CEMIP2: variants seen among roughly 807,000 people sequenced by gnomAD.
The protein encoded by CEMIP2 is cell migration inducing hyaluronidase 2.
CEMIP2 carries 79 observed loss-of-function variants against 146.9 expected under a neutral mutation model. The observed-to-expected ratio is 0.54, with a 90% CI of 0.45 to 0.65. The LOEUF is 0.65. Ranked by LOEUF, CEMIP2 falls within the 30% of genes least tolerant of loss-of-function variation. The pLI is 0.00. For synonymous variants in CEMIP2, 601 were observed against 606.3 expected (o/e 0.99, Z 0.13); for missense variants, 1,596 against 1,696.2 (o/e 0.94, Z 1.04).
At position 71,734,845 on chromosome 9, in the gene CEMIP2, GAA is replaced by G. The variant is rs1564016701; in HGVS notation, c.1352_1353del (p.Leu451ProfsTer4). ...TGAAAATGGCTGCATTCAGAACAGG[GAA>G]GAAGAGTGAACTCCTCTGCTTGGTA... The part of the protein sequence containing the change: ...SMYQAEEFTL[L>X]PCSECSHFQV... On this transcript the variant is annotated frameshift_variant, in exon 6 of 24. Coordinates refer to ENST00000377044, the MANE Select transcript of CEMIP2 (RefSeq NM_013390.3). LOFTEE classifies it high-confidence loss of function. 1 of 1,613,758 alleles carries G rather than the reference GAA, an allele frequency of 6.2e-7. No individual in the cohort carries two copies. Among genetic ancestry groups the G allele is most frequent in the East Asian group, 2.2e-5 (1 of 44,874 alleles).
Position 71,730,568 on chromosome 9 carries a change from G to A in CEMIP2, c.1773+137C>T, listed in dbSNP as rs572783558. The A allele has an allele frequency of 2.4e-4, 216 of 886,514 alleles. 1 individual carries two copies. The highest frequency in any genetic ancestry group is 1.9e-3 in the African/African-American group (114 of 59,190). 54.9% of individuals were successfully genotyped at this position (886,514 alleles called of 1,614,324 possible). On this transcript the variant is annotated intron_variant, in intron 8 of 23. Transcript: ENST00000377044. ...TAGGCTTCCTTCAGACAGAAAAATC[G>A]TGGAATGCTCAGAAAAGGCAGGATA...
intron 1 of CEMIP2, among the ~76,000 whole-genome samples, chr9:71,750,641 T>A (rs996150520): frequency 1.8e-4 from 27 of 151,812 alleles, no homozygotes; most frequent in Non-Finnish European, 3.5e-4. Flanking sequence ...GAGACAATGT[T>A]TCTCCATGTA....
At chr9:71,764,715 T>G (rs1341075181) in intron 1 of CEMIP2, among the ~76,000 whole-genome samples, 2 of 152,196 alleles carry the variant, frequency 1.3e-5, no homozygotes, top group African/African-American at 4.8e-5. Flanking sequence ...AAAGGCAATT[T>G]ATTAAAATGT....
At chr9:71,709,211 T>C (rs749569170) in intron 17 of CEMIP2, 48 bp downstream of exon 17, 3 of 1,569,118 alleles carry the variant, frequency 1.9e-6, no homozygotes, top group Non-Finnish European at 2.6e-6. Flanking sequence ...GAAGCAGTGC[T>C]GGCAGGAGCT....
At chr9:71,723,136 G>GAAAAAAA (rs33948828) in intron 11 of CEMIP2, among the ~76,000 whole-genome samples, 16 of 104,114 alleles carry the variant, frequency 1.5e-4, no homozygotes, top group Admixed American at 2.3e-4. Context: ...AACAGCCAAA[G>GAAAAAAA]AAAAAAAAAA....
chr9:71,722,621 A>G (rs943956395), intron 11 of CEMIP2, 106 bp from the exon 12 acceptor site: 1 of 866,022 alleles, frequency 1.2e-6, no homozygotes, highest in Non-Finnish European at 1.7e-6. Context: ...CTACCAAAAA[A>G]AGTGGGGCAG....
Position 71,749,964 on chromosome 9 carries a change from A to G in CEMIP2, c.331+79T>C, listed in dbSNP as rs1325249351. ...AGTTAGCTAGGGCCAACTTAAGATA[A>G]ATTTTTTTTTAAGTATTCTACTATT... On this transcript the variant is annotated intron_variant, in intron 2 of 23. Transcript: ENST00000377044. 2.2e-6 allele frequency: 3 copies of G among 1,336,042 alleles called. No individual in the cohort carries two copies. In the Admixed American group the frequency reaches 8.3e-5, roughly 37 times the overall value. The allele number at this position is 1,336,042 out of a possible 1,614,324, so 82.8% of individuals were successfully genotyped here.
At chr9:71,746,973 T>TA (rs1312660994) in intron 2 of CEMIP2, among the ~76,000 whole-genome samples, 1 of 152,212 alleles carries the variant, frequency 6.6e-6, no homozygotes, top group East Asian at 1.9e-4. Context: ...AAAGATTACT[T>TA]AGCAAGCTGA....
At chr9:71,728,298 T>C (rs1206214716) in intron 10 of CEMIP2, among the ~76,000 whole-genome samples, 10 of 42,396 alleles carry the variant, frequency 2.4e-4, no homozygotes, top group Non-Finnish European at 3.2e-4. Context: ...TATATATATA[T>C]ATACATATAT....
At chr9:71,686,828 G>A (rs1822075784) in intron 22 of CEMIP2, 1 of 152,016 alleles carries the variant, frequency 6.6e-6, no homozygotes, top group South Asian at 2.1e-4. Context: ...CTTCTCCATT[G>A]TCTATCAGGG....
chr9:71,700,709 C>G lies in CEMIP2; in HGVS notation c.3310G>C (p.Val1104Leu). ...SLSKIEEYEP[V>L]HSLEELQRKQ... The stretch of plus-strand genomic sequence containing the variant: ...CTTTGCAGTTCTTCCAGTGAATGCA[C>G]AGGCTCATATTCTTCGATTTTGGAT... Residue 1104 changes from valine to leucine, a missense_variant, in exon 19 of 24, where the codon GTG becomes CTG. Val to Leu is a conservative substitution (Grantham distance 32). Transcript: ENST00000377044. 1 of 1,613,102 alleles carries G rather than the reference C, an allele frequency of 6.2e-7. No homozygotes were observed. The highest frequency in any genetic ancestry group is 1.1e-5 in the South Asian group (1 of 90,892).
At chr9:71,725,463 G>A (rs773305140) in intron 11 of CEMIP2, 118 bp downstream of exon 11, 10 of 1,129,298 alleles carry the variant, frequency 8.9e-6, no homozygotes, top group African/African-American at 1.6e-5. Flanking sequence ...CTCATTATAA[G>A]TTAACTAGTC....
At chr9:71,749,734 A>G (rs1824190535) in intron 2 of CEMIP2, among the ~76,000 whole-genome samples, 1 of 152,046 alleles carries the variant, frequency 6.6e-6, no homozygotes. Flanking sequence ...AAAAAATTGC[A>G]GCAGTCCAAA....
At chr9:71,713,877 A>G (rs1352888856) in intron 15 of CEMIP2, among the ~76,000 whole-genome samples, 3 of 152,254 alleles carry the variant, frequency 2.0e-5, no homozygotes, top group African/African-American at 4.8e-5. Context: ...ACAGGGCCTG[A>G]CATATCATAA....
chr9:71,715,151 T>C (rs1823010709), intron 14 of CEMIP2, 62 bp from the exon 15 acceptor site: 7 of 1,569,818 alleles, frequency 4.5e-6, no homozygotes, highest in South Asian at 3.5e-5. Flanking sequence ...TATTCCCAAA[T>C]GTAGGCATGC....
chr9:71,685,642 G>T, intron 23 of CEMIP2, 101 bp downstream of exon 23: 3 of 1,002,756 alleles, frequency 3.0e-6, no homozygotes, highest in South Asian at 3.0e-5. Context: ...ACCCACTCCA[G>T]CAAACAAGCT....
chr9:71,727,520 AG>A (rs1280859358), intron 10 of CEMIP2, among the ~76,000 whole-genome samples: 4 of 152,248 alleles, frequency 2.6e-5, no homozygotes, highest in Admixed American at 2.0e-4. Context: ...ATGTTTTTAA[AG>A]AAAATAACAG....
intron 10 of CEMIP2, 53 bp from the exon 11 acceptor site, chr9:71,725,762 G>A (rs1318555906): frequency 1.9e-6 from 3 of 1,549,356 alleles, no homozygotes; most frequent in Non-Finnish European, 2.6e-6. Context: ...AGATATCTAT[G>A]AAACACTCTC....
chr9:71,728,193 T>TTCTCTCTCTCTCTCTCTCTCTCTCTCTC (rs369654117), intron 10 of CEMIP2, among the ~76,000 whole-genome samples: 1 of 29,614 alleles, frequency 3.4e-5, no homozygotes, highest in African/African-American at 1.4e-4. Flanking sequence ...CAGCGAAACC[T>TTCTCTCTCTCTCTCTCTCTCTCTCTCTC]TCTCTCTCTC....
Sources: allele counts gnomAD v4.1 joint callset (sites outside exome capture counted in the v4.1 genomes callset), GRCh38; gene constraint gnomAD v4.1.1; transcripts MANE v1.5; gene names NCBI Gene and HGNC (gene_info 2026-07-23, HGNC 2026-07-21).